XKR4: variants seen among roughly 807,000 people sequenced by gnomAD.
XKR4 encodes the protein XK related 4.
Under a neutral mutation model 53.9 loss-of-function variants are expected in XKR4, and 12 were observed. The observed-to-expected ratio is 0.22, with a 90% confidence interval of 0.14 to 0.36. The LOEUF is 0.36. Among genes scored for constraint, XKR4 ranks in the 10% least tolerant of loss-of-function variants. XKR4 has a pLI of 1.00. For missense variants in XKR4, 799 were observed against 859.5 expected (o/e 0.93, Z 0.88); for synonymous variants, 354 against 362.4 (o/e 0.98, Z 0.26).
At position 55,367,971 on chromosome 8, in the gene XKR4, G is replaced by GT. The variant is rs1012923658; in HGVS notation, c.1006+10101dup. On this transcript the variant is annotated intron_variant, in intron 2 of 2. Coordinates refer to ENST00000327381, the MANE Select transcript of XKR4 (RefSeq NM_052898.2). ...TGTTTTGTTTTTGTTTTTGTTTTTT[G>GT]TTTTTTTGAGACAGAGTCTCACTTT... 1.6e-4 allele frequency among the ~76,000 whole-genome samples: 24 copies of GT among 151,804 alleles called. 1 individual carries two copies. The highest frequency in any genetic ancestry group is 7.8e-4 in the East Asian group (4 of 5,158).
intron 1 of XKR4, among the ~76,000 whole-genome samples, chr8:55,338,133 G>A: frequency 6.6e-6 from 1 of 152,216 alleles, no homozygotes; most frequent in Non-Finnish European, 1.5e-5. Context: ...ATGGATATTA[G>A]AGAAATCTTC....
At chr8:55,206,100 T>C (rs1275639858) in intron 1 of XKR4, among the ~76,000 whole-genome samples, 1 of 152,108 alleles carries the variant, frequency 6.6e-6, no homozygotes, top group Non-Finnish European at 1.5e-5. Flanking sequence ...CGCAGTTGAG[T>C]GTCACAGCTC....
chr8:55,300,888 G>C (rs1423906457), intron 1 of XKR4, among the ~76,000 whole-genome samples: 4 of 152,104 alleles, frequency 2.6e-5, no homozygotes, highest in African/African-American at 9.7e-5. Flanking sequence ...ACACTATAAG[G>C]CTAAGAGTAA....
At chr8:55,195,823 G>T (rs566464162) in intron 1 of XKR4, among the ~76,000 whole-genome samples, 2 of 152,262 alleles carry the variant, frequency 1.3e-5, no homozygotes, top group South Asian at 4.2e-4. Context: ...TCTAAACAAG[G>T]CTGCCCATCA....
intron 1 of XKR4, among the ~76,000 whole-genome samples, chr8:55,212,238 G>T (rs1342621956): frequency 6.6e-6 from 1 of 152,090 alleles, no homozygotes; most frequent in African/African-American, 2.4e-5. Context: ...GACTTTAAAA[G>T]GTACCATACA....
rs1805458120 is a variant in XKR4, at chr8:55,452,090, G to A, written c.1007-71191G>A. On this transcript the variant is annotated intron_variant, in intron 2 of 2. Coordinates refer to ENST00000327381, the MANE Select transcript of XKR4 (RefSeq NM_052898.2). ...TGACTCGGGGTGGCTGGCCGGGTGTGTAGGTAGAGCCCAGGGTGAAGGAGA... is the reference window on the plus strand; with the variant it reads ...TGACTCGGGGTGGCTGGCCGGGTGTATAGGTAGAGCCCAGGGTGAAGGAGA... 29 of 700,396 alleles carry A rather than the reference G, an allele frequency of 4.1e-5. No individual in the cohort carries two copies. The South Asian group carries it at 4.3e-4, about 10-fold the overall frequency. 43.4% of individuals were successfully genotyped at this position (700,396 alleles called of 1,614,324 possible). A position where few individuals can be genotyped will look rare whatever the true frequency, so the allele number is the denominator to read the frequency against.
At position 55,451,439 on chromosome 8, in the gene XKR4, C is replaced by A. The variant is rs547921404; in HGVS notation, c.1007-71842C>A. 2.8e-4 allele frequency: 341 copies of A among 1,219,398 alleles called. 2 individuals are homozygous for A. The highest frequency in any genetic ancestry group is 2.5e-3 in the South Asian group (192 of 76,158). The allele number at this position is 1,219,398 out of a possible 1,614,324, so 75.5% of individuals were successfully genotyped here. A position where few individuals can be genotyped will look rare whatever the true frequency, so the allele number is the denominator to read the frequency against. On this transcript the variant is annotated intron_variant, in intron 2 of 2. Coordinates refer to ENST00000327381, the MANE Select transcript of XKR4 (RefSeq NM_052898.2). ...GAGTAGCGGGGCATGGAGCTGACAA[C>A]AGCCTGCAGGTACTTCTCCTGCTCC...
chr8:55,443,733 C>G (rs897955311), intron 2 of XKR4, among the ~76,000 whole-genome samples: 1 of 146,994 alleles, frequency 6.8e-6, no homozygotes, highest in East Asian at 2.0e-4. Flanking sequence ...CCCAGCTACT[C>G]GGGAGACTGA....
chr8:55,165,334 T>C (rs1163768941), intron 1 of XKR4, among the ~76,000 whole-genome samples: 2 of 152,106 alleles, frequency 1.3e-5, no homozygotes, highest in African/African-American at 4.8e-5. Flanking sequence ...TTCATACATA[T>C]TATGCACCAT....
chr8:55,483,229 T>G lies in XKR4; in HGVS notation c.1007-40052T>G, dbSNP rs561171207. On this transcript the variant is annotated intron_variant, in intron 2 of 2. Coordinates refer to ENST00000327381, the MANE Select transcript of XKR4 (RefSeq NM_052898.2). Reference sequence around the variant, plus strand: ...CCAGCATCATCACTTCTTATTATATTTCTATAATTTCAACTACAAACTTTT... The same window carrying G: ...CCAGCATCATCACTTCTTATTATATGTCTATAATTTCAACTACAAACTTTT... Among the ~76,000 whole-genome samples the G allele has an allele frequency of 3.3e-4, 50 of 152,306 alleles. 1 individual carries two copies. In the South Asian group the frequency reaches 8.9e-3, roughly 27 times the overall value.
intron 1 of XKR4, among the ~76,000 whole-genome samples, chr8:55,229,743 T>G (rs1818005295): frequency 6.6e-6 from 1 of 152,204 alleles, no homozygotes; most frequent in Non-Finnish European, 1.5e-5. Flanking sequence ...ATGTGGGTTT[T>G]CCCATAGGAT....
chr8:55,344,629 C>A (rs1331550127), intron 1 of XKR4, among the ~76,000 whole-genome samples: 2 of 152,140 alleles, frequency 1.3e-5, no homozygotes, highest in African/African-American at 4.8e-5. Flanking sequence ...CATGTAGGAG[C>A]TCTACAGAAG....
At chr8:55,239,290 C>G (rs139459096) in intron 1 of XKR4, among the ~76,000 whole-genome samples, 1 of 152,126 alleles carries the variant, frequency 6.6e-6, no homozygotes, top group Non-Finnish European at 1.5e-5. Flanking sequence ...TGTTTGGTCA[C>G]GGGTGATAGC....
intron 2 of XKR4, among the ~76,000 whole-genome samples, chr8:55,489,783 T>C (rs950871887): frequency 1.3e-5 from 2 of 152,250 alleles, no homozygotes; most frequent in Middle Eastern, 3.4e-3. Flanking sequence ...ACTAGGTAAG[T>C]CATCAACATG....
At chr8:55,318,534 C>T (rs1803152686) in intron 1 of XKR4, among the ~76,000 whole-genome samples, 1 of 152,130 alleles carries the variant, frequency 6.6e-6, no homozygotes, top group Non-Finnish European at 1.5e-5. Context: ...TGGCATAGAC[C>T]CAATCCAGGG....
chr8:55,302,839 A>C (rs905934894), intron 1 of XKR4, among the ~76,000 whole-genome samples: 4 of 152,054 alleles, frequency 2.6e-5, no homozygotes, highest in Non-Finnish European at 4.4e-5. Context: ...TTTTTGTACA[A>C]TGATTTTGTA....
chr8:55,143,705 A>G (rs1209067290), intron 1 of XKR4, among the ~76,000 whole-genome samples: 1 of 152,216 alleles, frequency 6.6e-6, no homozygotes, highest in East Asian at 1.9e-4. Context: ...AACATGAAGG[A>G]CAGTCAGGAA....
At chr8:55,463,124 C>G (rs377356578) in intron 2 of XKR4, among the ~76,000 whole-genome samples, 2 of 152,246 alleles carry the variant, frequency 1.3e-5, no homozygotes, top group South Asian at 2.1e-4. Flanking sequence ...ACCAAGCAGA[C>G]CTAATAGACA....
At chr8:55,265,929 G>A (rs1483638109) in intron 1 of XKR4, among the ~76,000 whole-genome samples, 1 of 151,754 alleles carries the variant, frequency 6.6e-6, no homozygotes, top group East Asian at 1.9e-4. Flanking sequence ...AGGTTGCAGT[G>A]AGCTGAGATC....
Sources: gnomAD v4.1 joint callset for allele counts (sites outside exome capture counted in the v4.1 genomes callset) on GRCh38, gnomAD v4.1.1 for gene constraint, MANE v1.5 for transcripts, NCBI Gene and HGNC (gene_info 2026-07-23, HGNC 2026-07-21) for gene names.